Variants in KAT6A observed in about 807,000 individuals in gnomAD.
The protein encoded by KAT6A is histone acetyltransferase KAT6A.
KAT6A carries 9 observed loss-of-function variants against 198.4 expected under a neutral mutation model. That is an observed-to-expected ratio of 0.05 (90% CI 0.03 to 0.08). KAT6A has a LOEUF of 0.08. Ranked by LOEUF, KAT6A falls within the 10% of genes least tolerant of loss-of-function variation. KAT6A has a pLI of 1.00. For missense variants in KAT6A, 2,077 were observed against 2,509.9 expected, an observed-to-expected ratio of 0.83 and a Z score of 3.69; for synonymous variants, 890 against 883.0, an observed-to-expected ratio of 1.01 and a Z score of -0.14.
chr8:41,964,892 G>T (rs538015058), intron 8 of KAT6A, among the ~76,000 whole-genome samples: 100 of 152,272 alleles, frequency 6.6e-4, no homozygotes, highest in African/African-American at 2.2e-3. Flanking sequence ...ATGATGATGA[G>T]GAGGAGGAGA....
At chr8:41,944,577 G>A (rs1022746256) in intron 12 of KAT6A, among the ~76,000 whole-genome samples, 4 of 152,098 alleles carry the variant, frequency 2.6e-5, no homozygotes, top group Non-Finnish European at 4.4e-5. Context: ...GAAAAGCAAC[G>A]AAAATGGAGA....
chr8:41,947,967 T>A lies in KAT6A; in HGVS notation c.1741-55A>T. On this transcript the variant is annotated intron_variant, in intron 10 of 16. Transcript: ENST00000265713. ...GTAGAGGGTCTCTTTAGTTCTAGAA[T>A]AATATGTATCAGTTAAAAGCATCTC... 2.2e-6 allele frequency: 3 copies of A among 1,373,298 alleles called. No homozygotes were observed. In the South Asian group the frequency reaches 4.2e-5, roughly 19 times the overall value. The allele number at this position is 1,373,298 out of a possible 1,614,324, so 85.1% of individuals were successfully genotyped here.
intron 2 of KAT6A, among the ~76,000 whole-genome samples, chr8:42,043,753 G>C (rs566879251): frequency 1.3e-5 from 2 of 152,342 alleles, no homozygotes; most frequent in Admixed American, 6.5e-5. Context: ...GAGGTGGTCA[G>C]TATGGCTATT....
At chr8:41,977,601 C>G in intron 6 of KAT6A, 1 of 302,714 alleles carries the variant, frequency 3.3e-6, no homozygotes, top group East Asian at 5.6e-5. Flanking sequence ...ACTAGCTGTA[C>G]GACTTGGACA....
At chr8:42,006,063 G>T (rs934830085) in intron 2 of KAT6A, among the ~76,000 whole-genome samples, 2 of 152,196 alleles carry the variant, frequency 1.3e-5, no homozygotes, top group Non-Finnish European at 2.9e-5. Context: ...TTTCTGTGAA[G>T]CAAAAGTATA....
At chr8:41,946,343 T>C (rs1200835428) in intron 12 of KAT6A, among the ~76,000 whole-genome samples, 2 of 151,936 alleles carry the variant, frequency 1.3e-5, no homozygotes, top group Admixed American at 6.6e-5. Flanking sequence ...GCTCAAGCAA[T>C]CCTCCCACCC....
intron 2 of KAT6A, among the ~76,000 whole-genome samples, chr8:42,038,403 T>A (rs1827480963): frequency 6.6e-6 from 1 of 152,238 alleles, no homozygotes; most frequent in Non-Finnish European, 1.5e-5. Context: ...AATAGCAGAT[T>A]TATATATTTG....
At chr8:41,957,119 G>A (rs557030624) in intron 8 of KAT6A, 20 of 604,264 alleles carry the variant, frequency 3.3e-5, no homozygotes, top group Admixed American at 2.2e-4. Flanking sequence ...GCGGATGCCC[G>A]ATGTGAAAGT....
At chr8:41,996,098 C>T (rs1825188584) in intron 2 of KAT6A, among the ~76,000 whole-genome samples, 1 of 152,150 alleles carries the variant, frequency 6.6e-6, no homozygotes, top group Non-Finnish European at 1.5e-5. Flanking sequence ...TATTCTTAAA[C>T]ACTGACAAAA....
At chr8:41,958,024 T>A (rs1036424960) in intron 8 of KAT6A, 5 of 152,060 alleles carry the variant, frequency 3.3e-5, no homozygotes, top group African/African-American at 1.2e-4. Context: ...GGGGGTGCAA[T>A]GTTTTGAGGA....
intron 8 of KAT6A, among the ~76,000 whole-genome samples, chr8:41,955,634 A>C (rs1415812855): frequency 2.6e-5 from 4 of 152,226 alleles, no homozygotes; most frequent in Non-Finnish European, 2.9e-5. Flanking sequence ...AACCAAATGC[A>C]TTGGGTGTTG....
intron 8 of KAT6A, among the ~76,000 whole-genome samples, chr8:41,955,687 T>C (rs933015820): frequency 6.6e-6 from 1 of 152,202 alleles, no homozygotes; most frequent in African/African-American, 2.4e-5. Context: ...TTTTCCTCAA[T>C]TAAACTCACT....
Position 41,941,281 on chromosome 8 carries a change from C to T in KAT6A, c.2600G>A (p.Arg867His), listed in dbSNP as rs1207862469. ...PANSQPSRRG[R>H]WGRKNRKTQE... ...GGTTTTTCTGTTCTTCCTCCCCCAG[C>T]GGCCCCTCCGAGATGGCTGGCTATT... The change falls in exon 15 of 17, where the codon CGC (arginine) becomes CAC (histidine). Residue 867 changes from arginine to histidine, a missense_variant. Arg to His is a conservative substitution (Grantham distance 29, BLOSUM62 0). Transcript: ENST00000265713. 3.7e-6 allele frequency: 6 copies of T among 1,613,952 alleles called. No individual in the cohort carries two copies. The highest frequency in any genetic ancestry group is 1.7e-5 in the Admixed American group (1 of 60,012).
intron 4 of KAT6A, among the ~76,000 whole-genome samples, chr8:41,981,546 T>C (rs1457099756): frequency 6.6e-6 from 1 of 152,154 alleles, no homozygotes; most frequent in Non-Finnish European, 1.5e-5. Flanking sequence ...CAACTGACCA[T>C]CCTAAATGAA....
intron 4 of KAT6A, among the ~76,000 whole-genome samples, chr8:41,981,440 A>G (rs1164121766): frequency 6.6e-6 from 1 of 152,248 alleles, no homozygotes; most frequent in Non-Finnish European, 1.5e-5. Context: ...ATAAAGAACT[A>G]AAGTTTCATT....
chr8:41,974,809 G>A lies in KAT6A; in HGVS notation c.1377C>T (p.Gly459=). The A allele has an allele frequency of 6.2e-7, 1 of 1,608,164 alleles. No individual in the cohort carries two copies. Among genetic ancestry groups the A allele is most frequent in the South Asian group, 1.1e-5 (1 of 90,390 alleles). Reference sequence around the variant, plus strand: ...CCTCATTTTCTTGTTTGCCATCCCAGCCATCCTGATTGTCTACATATAAAA... The same window carrying A: ...CCTCATTTTCTTGTTTGCCATCCCAACCATCCTGATTGTCTACATATAAAA... The part of the protein sequence containing the change: ...TSDWPTDNQD[G]WDGKQENEER... The change falls in exon 8 of 17, where the codon GGC becomes GGT. Residue 459 remains glycine (G), a synonymous_variant. Transcript: ENST00000265713.
chr8:41,940,755 T>C lies in KAT6A; in HGVS notation c.3039+87A>G, dbSNP rs77621668. 1.4e-5 allele frequency: 21 copies of C among 1,476,098 alleles called. No individual in the cohort carries two copies. In the East Asian group the frequency reaches 1.6e-4, roughly 11 times the overall value. 91.4% of individuals were successfully genotyped at this position (1,476,098 alleles called of 1,614,324 possible). A position where few individuals can be genotyped will look rare whatever the true frequency, so the allele number is the denominator to read the frequency against. The stretch of plus-strand genomic sequence containing the variant: ...CAATGCACTAGGAATTTCTAACTTA[T>C]ACTCTTTCAGAACTGTAAGCTAAAA... On this transcript the variant is annotated intron_variant, in intron 15 of 16. Coordinates refer to ENST00000265713, the MANE Select transcript of KAT6A (RefSeq NM_006766.5).
intron 8 of KAT6A, among the ~76,000 whole-genome samples, chr8:41,966,206 G>C (rs1233781608): frequency 6.6e-6 from 1 of 151,872 alleles, no homozygotes; most frequent in East Asian, 1.9e-4. Flanking sequence ...GCAGGTTCTT[G>C]GAATACACAG....
intron 8 of KAT6A, among the ~76,000 whole-genome samples, chr8:41,967,418 G>GTA (rs1442521811): frequency 6.6e-6 from 1 of 150,810 alleles, no homozygotes; most frequent in Non-Finnish European, 1.5e-5. Context: ...CTAGCATTAG[G>GTA]TATATCTCCC....
Sources: allele counts gnomAD v4.1 joint callset (sites outside exome capture counted in the v4.1 genomes callset), GRCh38; gene constraint gnomAD v4.1.1; transcripts MANE v1.5; gene names NCBI Gene and HGNC (gene_info 2026-07-23, HGNC 2026-07-21).